The following MDGA2 variants were observed in gnomAD, a reference collection of about 807,000 sequenced individuals.
MDGA2 encodes the protein MAM domain-containing glycosylphosphatidylinositol anchor protein 2.
In MDGA2, 40 loss-of-function variants were observed where a neutral mutation model predicts 117.8. That is an observed-to-expected ratio of 0.34 (90% CI 0.26 to 0.44). The LOEUF (loss-of-function observed/expected upper bound fraction) is 0.44. Among genes scored for constraint, MDGA2 ranks in the 20% least tolerant of loss-of-function variants. MDGA2 has a pLI of 1.00. For synonymous variants in MDGA2, 452 were observed against 439.0 expected, an observed-to-expected ratio of 1.03 and a Z score of -0.37; for missense variants, 1,123 against 1,250.6, an observed-to-expected ratio of 0.90 and a Z score of 1.54.
intron 9 of MDGA2, among the ~76,000 whole-genome samples, chr14:46,925,013 C>G (rs970878461): frequency 1.3e-5 from 2 of 152,064 alleles, no homozygotes; most frequent in Admixed American, 1.3e-4. Flanking sequence ...CCACCTATGA[C>G]TAAAATCTAG....
chr14:46,869,664 G>A (rs1335395376), intron 14 of MDGA2, among the ~76,000 whole-genome samples: 3 of 151,812 alleles, frequency 2.0e-5, no homozygotes, highest in Non-Finnish European at 4.4e-5. Context: ...CTTGGGTATG[G>A]GCTTGAATTA....
At chr14:47,186,229 G>A (rs1351995815) in intron 3 of MDGA2, among the ~76,000 whole-genome samples, 1 of 151,438 alleles carries the variant, frequency 6.6e-6, no homozygotes, top group Non-Finnish European at 1.5e-5. Context: ...CTATTGTAAA[G>A]CAACAACTCC....
At chr14:47,626,729 C>G (rs796199511) in intron 1 of MDGA2, among the ~76,000 whole-genome samples, 1 of 152,200 alleles carries the variant, frequency 6.6e-6, no homozygotes, top group South Asian at 2.1e-4. Flanking sequence ...GATTTCTCCC[C>G]GGCCCTTAGC....
intron 1 of MDGA2, among the ~76,000 whole-genome samples, chr14:47,483,918 T>C (rs1950381): frequency 0.35 from 53,427 of 151,990 alleles, 9,676 homozygotes; most frequent in East Asian, 0.59. Context: ...TTTACTTTTG[T>C]CTACCCAGTA....
intron 1 of MDGA2, among the ~76,000 whole-genome samples, chr14:47,612,579 C>T (rs1594943592): frequency 6.6e-6 from 1 of 152,238 alleles, no homozygotes; most frequent in East Asian, 1.9e-4. Context: ...CTTTCAACTT[C>T]TCAAACAGCA....
At chr14:47,454,243 T>A (rs1160193320) in intron 1 of MDGA2, among the ~76,000 whole-genome samples, 2 of 152,186 alleles carry the variant, frequency 1.3e-5, no homozygotes, top group Admixed American at 1.3e-4. Context: ...TAATTTTTGA[T>A]GTCTGACAGA....
intron 1 of MDGA2, among the ~76,000 whole-genome samples, chr14:47,560,688 T>C (rs987494634): frequency 1.3e-5 from 2 of 152,246 alleles, no homozygotes; most frequent in Non-Finnish European, 2.9e-5. Flanking sequence ...TTTCTTTTGC[T>C]GTGCAGAAGC....
intron 8 of MDGA2, among the ~76,000 whole-genome samples, chr14:46,966,763 T>TC (rs780709620): frequency 1.1e-4 from 16 of 152,200 alleles, no homozygotes; most frequent in Non-Finnish European, 2.4e-4. Flanking sequence ...TTTAGCATTT[T>TC]CTTTTTGTAT....
chr14:47,174,370 T>C (rs1210859840), intron 3 of MDGA2, among the ~76,000 whole-genome samples: 1 of 152,114 alleles, frequency 6.6e-6, no homozygotes, highest in Non-Finnish European at 1.5e-5. Flanking sequence ...ACACCACACC[T>C]ATTCCAAAAT....
At chr14:47,207,080 A>T (rs949882747) in intron 3 of MDGA2, among the ~76,000 whole-genome samples, 4 of 152,016 alleles carry the variant, frequency 2.6e-5, no homozygotes, top group African/African-American at 9.7e-5. Flanking sequence ...TCATACCCTA[A>T]GTTTGTCACT....
At position 47,077,046 on chromosome 14, in the gene MDGA2, GT is replaced by G. The variant is rs199633224; in HGVS notation, c.1196-15469del. Among the ~76,000 whole-genome samples, 12 of 149,708 alleles carry G rather than the reference GT, an allele frequency of 8.0e-5. No homozygotes were observed. The East Asian group carries it at 1.4e-3, about 17-fold the overall frequency. ...GCAACTCATCATGAACTTAAAACAA[GT>G]TTTTTTTTTAGTATCATTGAAAACA... On this transcript the variant is annotated intron_variant, in intron 6 of 16. Coordinates refer to ENST00000399232, the MANE Select transcript of MDGA2 (RefSeq NM_001113498.3).
At chr14:47,604,372 A>G (rs1004368726) in intron 1 of MDGA2, among the ~76,000 whole-genome samples, 2 of 151,746 alleles carry the variant, frequency 1.3e-5, no homozygotes, top group African/African-American at 4.8e-5. Flanking sequence ...GCTGGAGTTC[A>G]GTGGCACAAT....
chr14:47,561,137 C>CTTTG lies in MDGA2; in HGVS notation c.280+113376_280+113379dup, dbSNP rs1566515743. Among the ~76,000 whole-genome samples, 21 of 59,848 alleles carry CTTTG rather than the reference C, an allele frequency of 3.5e-4. No homozygotes were observed. In the East Asian group the frequency reaches 0.057, roughly 164 times the overall value. The allele number at this position is 59,848 out of a possible 152,430, so 39.3% of individuals were successfully genotyped here. A position where few individuals can be genotyped will look rare whatever the true frequency, so the allele number is the denominator to read the frequency against. On this transcript the variant is annotated intron_variant, in intron 1 of 16. Coordinates refer to ENST00000399232, the MANE Select transcript of MDGA2 (RefSeq NM_001113498.3). ...AAATAGGCTAGCATGATACCTCTAT[C>CTTTG]TTTGTTTTTTTTTTTGTTTTGTTTT...
intron 1 of MDGA2, among the ~76,000 whole-genome samples, chr14:47,494,260 G>A (rs557115467): frequency 2.6e-5 from 4 of 152,120 alleles, no homozygotes; most frequent in Non-Finnish European, 4.4e-5. Flanking sequence ...CTAATACATT[G>A]TGTAACACAT....
At chr14:47,128,569 T>C (rs1299056103) in intron 5 of MDGA2, among the ~76,000 whole-genome samples, 2 of 152,174 alleles carry the variant, frequency 1.3e-5, no homozygotes, top group Non-Finnish European at 2.9e-5. Context: ...TCTTATATGT[T>C]AACCTGTTTA....
chr14:47,323,720 C>T (rs1383869396), intron 1 of MDGA2, among the ~76,000 whole-genome samples: 2 of 150,282 alleles, frequency 1.3e-5, no homozygotes, highest in African/African-American at 4.9e-5. Context: ...ACATTTTCAA[C>T]TGGAATGACG....
intron 4 of MDGA2, among the ~76,000 whole-genome samples, chr14:47,140,405 C>T (rs1882666990): frequency 6.6e-6 from 1 of 151,898 alleles, no homozygotes; most frequent in Non-Finnish European, 1.5e-5. Context: ...ACAAAGTTGG[C>T]ATCATACTAT....
At chr14:46,871,956 A>T (rs748011627) in intron 14 of MDGA2, 1 of 302,792 alleles carries the variant, frequency 3.3e-6, no homozygotes, top group South Asian at 3.0e-5. Flanking sequence ...CAACATAGCA[A>T]GAGCCTGTCT....
chr14:47,011,541 C>T (rs1416407312), intron 8 of MDGA2, among the ~76,000 whole-genome samples: 1 of 151,894 alleles, frequency 6.6e-6, no homozygotes, highest in African/African-American at 2.4e-5. Flanking sequence ...AAGCAGTACA[C>T]TGGGAGTTCT....
Sources: gnomAD v4.1 joint callset for allele counts (sites outside exome capture counted in the v4.1 genomes callset) on GRCh38, gnomAD v4.1.1 for gene constraint, MANE v1.5 for transcripts, NCBI Gene and HGNC (gene_info 2026-07-23, HGNC 2026-07-21) for gene names.